CDH2: variants seen among roughly 807,000 people sequenced by gnomAD.
The protein encoded by CDH2 is cadherin-2.
Under a neutral mutation model 92.0 loss-of-function variants are expected in CDH2, and 17 were observed. The ratio of observed to expected loss-of-function variants is 0.18; its 90% CI spans 0.13 to 0.28. CDH2 has a LOEUF of 0.28. Ranked by LOEUF, CDH2 falls within the 10% of genes least tolerant of loss-of-function variation. CDH2 has a pLI of 1.00. For missense variants in CDH2, 862 were observed against 1,133.1 expected (o/e 0.76, Z 3.44); for synonymous variants, 419 against 415.9 (o/e 1.01, Z -0.09).
chr18:27,995,330 A>G (rs1436983315), intron 7 of CDH2, among the ~76,000 whole-genome samples: 2 of 151,374 alleles, frequency 1.3e-5, no homozygotes, highest in Non-Finnish European at 2.9e-5. Context: ...AAAAAAAAAA[A>G]AAAAATGTTA....
At chr18:27,964,286 C>G (rs1168926503) in intron 14 of CDH2, among the ~76,000 whole-genome samples, 1 of 152,148 alleles carries the variant, frequency 6.6e-6, no homozygotes, top group Admixed American at 6.5e-5. Flanking sequence ...CAAAGTACAA[C>G]TTGTGAAGAA....
At chr18:28,161,786 C>T (rs1413255815) in intron 1 of CDH2, among the ~76,000 whole-genome samples, 3 of 152,156 alleles carry the variant, frequency 2.0e-5, no homozygotes, top group Non-Finnish European at 2.9e-5. Flanking sequence ...TCATCCTCTA[C>T]TTCCATGTAG....
intron 2 of CDH2, among the ~76,000 whole-genome samples, chr18:28,113,825 CTGAG>C (rs1243355929): frequency 8.6e-5 from 13 of 151,978 alleles, no homozygotes; most frequent in Admixed American, 7.9e-4. Context: ...CCATAAAAGG[CTGAG>C]TAATTTATAA....
intron 7 of CDH2, among the ~76,000 whole-genome samples, chr18:27,995,231 G>A (rs773731037): frequency 2.7e-5 from 4 of 147,618 alleles, no homozygotes; most frequent in South Asian, 2.2e-4. Flanking sequence ...GGAAAATCAC[G>A]TGAACCCAGG....
rs182856889 is a variant in CDH2, at chr18:28,107,757, G to A, written c.172+39916C>T. 1.4e-3 allele frequency among the ~76,000 whole-genome samples: 214 copies of A among 152,074 alleles called. 1 individual carries two copies. The highest frequency in any genetic ancestry group is 5.0e-3 in the African/African-American group (209 of 41,504). On this transcript the variant is annotated intron_variant, in intron 2 of 15. Coordinates refer to ENST00000269141, the MANE Select transcript of CDH2 (RefSeq NM_001792.5). ...TGTTTTCCTTTGGGGACAAAAAAGTGGAAGGTTTTATGCATTTTAATTAGC... is the reference window on the plus strand; with the variant it reads ...TGTTTTCCTTTGGGGACAAAAAAGTAGAAGGTTTTATGCATTTTAATTAGC...
At chr18:28,053,677 T>C (rs931245919) in intron 2 of CDH2, among the ~76,000 whole-genome samples, 2 of 152,316 alleles carry the variant, frequency 1.3e-5, no homozygotes, top group African/African-American at 4.8e-5. Flanking sequence ...CAGAGTTCGT[T>C]CTGGTTCTGA....
At chr18:27,985,398 T>C in intron 12 of CDH2, 130 bp downstream of exon 12, 1 of 818,788 alleles carries the variant, frequency 1.2e-6, no homozygotes, top group Non-Finnish European at 1.9e-6. Flanking sequence ...TTTAATATCT[T>C]ACTTAAACTT....
At chr18:27,963,701 TTCTGTGCTTTTCATTTCTACAG>T in intron 14 of CDH2, 180 bp from the exon 15 acceptor site, 1 of 578,246 alleles carries the variant, frequency 1.7e-6, no homozygotes. Flanking sequence ...CAGCTCTTTC[TTCTGTGCTTTTCATTTCTACAG>T]TCTGTGCTCC....
At chr18:28,007,477 A>G (rs1271577001) in intron 5 of CDH2, among the ~76,000 whole-genome samples, 2 of 151,978 alleles carry the variant, frequency 1.3e-5, no homozygotes, top group Non-Finnish European at 2.9e-5. Context: ...CAAATTAAAA[A>G]AAGCTTCAAC....
intron 2 of CDH2, among the ~76,000 whole-genome samples, chr18:28,086,723 T>C (rs1326178213): frequency 1.3e-5 from 2 of 152,048 alleles, no homozygotes; most frequent in Non-Finnish European, 2.9e-5. Flanking sequence ...AGTTTCAGCC[T>C]ATGCTCTCAT....
At chr18:28,072,754 A>T (rs1249171205) in intron 2 of CDH2, among the ~76,000 whole-genome samples, 5 of 152,256 alleles carry the variant, frequency 3.3e-5, no homozygotes, top group Non-Finnish European at 7.3e-5. Flanking sequence ...AATCAACAAA[A>T]TAACCTTAGT....
chr18:27,982,999 T>A lies in CDH2; in HGVS notation c.2294A>T (p.Asp765Val). The A allele has an allele frequency of 6.2e-7, 1 of 1,609,612 alleles. No individual in the cohort carries two copies. Among genetic ancestry groups the A allele is most frequent in the Non-Finnish European group, 8.5e-7 (1 of 1,176,332 alleles). ...ATATTTTAAAATATTATCTCTTACATCATCTTCTGGATCAATTAAAAGTTG... is the reference window on the plus strand; with the variant it reads ...ATATTTTAAAATATTATCTCTTACAACATCTTCTGGATCAATTAAAAGTTG... ...AKQLLIDPED[D>V]VRDNILKYDE... The change falls in exon 14 of 16, where the codon GAT (aspartate) becomes GTT (valine). Residue 765 changes from aspartate (D) to valine (V), a missense_variant. Physicochemically the swap from Asp to Val is radical, Grantham distance 152. Around this residue, in one of 5 missense-constraint regions of CDH2, gnomAD observed 564 missense variants for 722.2 expected, o/e 0.78. Transcript: ENST00000269141.
At chr18:27,956,709 C>A (rs532986505) in intron 15 of CDH2, among the ~76,000 whole-genome samples, 1 of 152,288 alleles carries the variant, frequency 6.6e-6, no homozygotes, top group East Asian at 1.9e-4. Context: ...TGACTGCTCT[C>A]TATGACTCCT....
chr18:28,105,013 A>G (rs1393927948), intron 2 of CDH2, among the ~76,000 whole-genome samples: 1 of 152,080 alleles, frequency 6.6e-6, no homozygotes, highest in African/African-American at 2.4e-5. Context: ...AAAATTTTCA[A>G]TGGTAAAACA....
intron 2 of CDH2, among the ~76,000 whole-genome samples, chr18:28,031,287 T>C (rs2013688951): frequency 6.6e-6 from 1 of 151,990 alleles, no homozygotes. Flanking sequence ...ATGTAATCTA[T>C]TTGCAAGTTC....
intron 2 of CDH2, among the ~76,000 whole-genome samples, chr18:28,032,027 G>A (rs1376633186): frequency 6.6e-6 from 1 of 152,084 alleles, no homozygotes; most frequent in Non-Finnish European, 1.5e-5. Flanking sequence ...CTAAAAAAGT[G>A]GAGAAGTGGC....
At chr18:28,150,904 T>C (rs143848481) in intron 1 of CDH2, among the ~76,000 whole-genome samples, 171 of 152,346 alleles carry the variant, frequency 1.1e-3, no homozygotes, top group African/African-American at 3.8e-3. Context: ...ATTCTCCCTA[T>C]TTATTTCCTC....
chr18:28,147,628 T>A, intron 2 of CDH2, 45 bp downstream of exon 2: 1 of 1,193,062 alleles, frequency 8.4e-7, no homozygotes, highest in Admixed American at 2.1e-5. Context: ...ATTTGTTTCA[T>A]GAGCATGGAC....
chr18:28,018,350 C>CTACAA (rs2013312851), intron 2 of CDH2, among the ~76,000 whole-genome samples: 1 of 152,044 alleles, frequency 6.6e-6, no homozygotes, highest in African/African-American at 2.4e-5. Context: ...CAATTCCCAT[C>CTACAA]AAAATGCCAC....
Sources: allele counts gnomAD v4.1 joint callset (sites outside exome capture counted in the v4.1 genomes callset), GRCh38; gene constraint gnomAD v4.1.1; regional missense constraint gnomAD v4.1.1; transcripts MANE v1.5; gene names NCBI Gene and HGNC (gene_info 2026-07-23, HGNC 2026-07-21).